Variants in AGAP1 observed in about 807,000 individuals in gnomAD.
The protein encoded by AGAP1 is ArfGAP with GTPase domain, ankyrin repeat and PH domain 1.
AGAP1 carries 29 observed loss-of-function variants against 105.3 expected under a neutral mutation model. The observed-to-expected ratio is 0.28, with a 90% CI of 0.21 to 0.38. AGAP1 has a LOEUF of 0.38. AGAP1 is among the 10% of genes least tolerant of loss of function. The pLI is 1.00. For synonymous variants in AGAP1, 509 were observed against 485.9 expected, an observed-to-expected ratio of 1.05 and a Z score of -0.63; for missense variants, 998 against 1,165.1, an observed-to-expected ratio of 0.86 and a Z score of 2.09.
At chr2:235,638,936 T>C (rs1947101187) in intron 1 of AGAP1, among the ~76,000 whole-genome samples, 1 of 152,174 alleles carries the variant, frequency 6.6e-6, no homozygotes, top group Admixed American at 6.5e-5. Context: ...GTAACATCTC[T>C]TCCAGTTGCG....
Position 235,766,907 on chromosome 2 carries a change from ATTTTTTTT to A in AGAP1, c.673+16434_673+16441del, listed in dbSNP as rs71036292. Among the ~76,000 whole-genome samples, 484 of 109,928 alleles carry A rather than the reference ATTTTTTTT, an allele frequency of 4.4e-3. 2 individuals are homozygous for A. The highest frequency in any genetic ancestry group is 7.7e-3 in the Non-Finnish European group (418 of 54,494). The allele number at this position is 109,928 out of a possible 152,430, so 72.1% of individuals were successfully genotyped here. The stretch of plus-strand genomic sequence containing the variant: ...TATGTGCGTGCCACCACACCGGCTA[ATTTTTTTT>A]TTTTTTTTTTTTTTGTGAGATGTAG... On this transcript the variant is annotated intron_variant, in intron 6 of 17. Transcript: ENST00000304032.
rs141321963 is a variant in AGAP1 at position 235,992,001 on chromosome 2, TTC to T, written c.1645+23385_1645+23386del. Among the ~76,000 whole-genome samples the T allele has an allele frequency of 2.0e-5, 3 of 152,352 alleles. No homozygotes were observed. The highest frequency in any genetic ancestry group is 4.4e-5 in the Non-Finnish European group (3 of 68,024). ...CATCCAGCCTCACAAATGTCCACAT[TTC>T]TCTCTCATCTGTGAAGGCCCGTTGA... On this transcript the variant is annotated intron_variant, in intron 13 of 17. Transcript: ENST00000304032. The surrounding 1 kb of genome is among the most constrained non-coding windows in gnomAD (Gnocchi z 4.8).
Position 236,053,314 on chromosome 2 carries a change from CAT to C in AGAP1, c.2114+4034_2114+4035del, listed in dbSNP as rs2057961377. Among the ~76,000 whole-genome samples, 1 of 152,236 alleles carries C rather than the reference CAT, an allele frequency of 6.6e-6. No homozygotes were observed. Among genetic ancestry groups the C allele is most frequent in the African/African-American group, 2.4e-5 (1 of 41,458 alleles). On this transcript the variant is annotated intron_variant, in intron 16 of 17. Transcript: ENST00000304032. This position sits in a 1 kb window ranked among gnomAD's most constrained non-coding sequence, Gnocchi z 4.6. ...AGCGGGAACTCGTCATCATGGAACA[CAT>C]GTCAGGTGCTCTTGCTACTTCGGGG...
At chr2:235,629,536 G>A (rs1946756327) in intron 1 of AGAP1, among the ~76,000 whole-genome samples, 1 of 151,944 alleles carries the variant, frequency 6.6e-6, no homozygotes, top group Non-Finnish European at 1.5e-5. Context: ...GGGGCCAGGT[G>A]TCCAGCATGG....
intron 1 of AGAP1, among the ~76,000 whole-genome samples, chr2:235,695,880 G>T (rs780376870): frequency 2.0e-5 from 3 of 152,156 alleles, no homozygotes; most frequent in African/African-American, 4.8e-5. Flanking sequence ...AGGAGATACT[G>T]AATAACCAAC....
At chr2:236,004,563 C>T (rs2056250739) in intron 13 of AGAP1, among the ~76,000 whole-genome samples, 1 of 152,228 alleles carries the variant, frequency 6.6e-6, no homozygotes, top group South Asian at 2.1e-4. Context: ...AGGCTATACC[C>T]TCCTCCCACA....
rs886168452 is a variant in AGAP1 at position 235,732,785 on chromosome 2, G to A, written c.311-8178G>A. Among the ~76,000 whole-genome samples the A allele has an allele frequency of 8.5e-5, 13 of 152,246 alleles. No individual in the cohort carries two copies. The highest frequency in any genetic ancestry group is 3.4e-3 in the Middle Eastern group (1 of 294). ...TCTAGGCTGTTGGGAGCCCGTGACC[G>A]CCCTGCTTCCTGTGGTGGGAGAAGG... On this transcript the variant is annotated intron_variant, in intron 3 of 17. Transcript: ENST00000304032. This position sits in a 1 kb window ranked among gnomAD's most constrained non-coding sequence, Gnocchi z 4.8.
At position 236,083,570 on chromosome 2, in the gene AGAP1, A is replaced by C. The variant is rs1199288036; in HGVS notation, c.2114+34289A>C. 2.0e-5 allele frequency among the ~76,000 whole-genome samples: 3 copies of C among 152,178 alleles called. No homozygotes were observed. Among genetic ancestry groups the C allele is most frequent in the Non-Finnish European group, 4.4e-5 (3 of 68,034 alleles). On this transcript the variant is annotated intron_variant, in intron 16 of 17. Coordinates refer to ENST00000304032, the MANE Select transcript of AGAP1 (RefSeq NM_001037131.3). This position sits in a 1 kb window ranked among gnomAD's most constrained non-coding sequence, Gnocchi z 5.3. ...ACTGGAATTCCGTATAAATGTGTGC[A>C]TGCTCACACCCATGCCTACATTAGA...
At chr2:235,593,565 A>G (rs781102347) in intron 1 of AGAP1, among the ~76,000 whole-genome samples, 43 of 152,250 alleles carry the variant, frequency 2.8e-4, no homozygotes, top group Non-Finnish European at 5.7e-4. Context: ...TACAACTTAA[A>G]TATGTTTTCC....
At chr2:235,509,267 C>A (rs1466248639) in intron 1 of AGAP1, among the ~76,000 whole-genome samples, 3 of 152,156 alleles carry the variant, frequency 2.0e-5, no homozygotes, top group Admixed American at 1.3e-4. Flanking sequence ...GGCTCTGTCA[C>A]CCAGGCTGGA....
intron 1 of AGAP1, among the ~76,000 whole-genome samples, chr2:235,546,281 G>T (rs1049781274): frequency 1.3e-5 from 2 of 152,200 alleles, no homozygotes; most frequent in Non-Finnish European, 2.9e-5. Context: ...AGGCCCTCGG[G>T]TGCCACCTGA....
chr2:235,915,864 TG>T (rs2051853058), intron 11 of AGAP1, among the ~76,000 whole-genome samples: 1 of 152,120 alleles, frequency 6.6e-6, no homozygotes, highest in Non-Finnish European at 1.5e-5. Flanking sequence ...TCAAGTTGGA[TG>T]GGAGAGGAGG....
At position 235,724,585 on chromosome 2, in the gene AGAP1, G is replaced by C. The variant is rs1021661622; in HGVS notation, c.310+6941G>C. ...AGATGGAAAAGGTACCTGCGGTGGT[G>C]GGGGGAGGGGGAGTTCCCTATGTAA... On this transcript the variant is annotated intron_variant, in intron 3 of 17. Coordinates refer to ENST00000304032, the MANE Select transcript of AGAP1 (RefSeq NM_001037131.3). This position sits in a 1 kb window ranked among gnomAD's most constrained non-coding sequence, Gnocchi z 4.9. 6.6e-6 allele frequency among the ~76,000 whole-genome samples: 1 copy of C among 152,138 alleles called. No homozygotes were observed. The highest frequency in any genetic ancestry group is 1.5e-5 in the Non-Finnish European group (1 of 68,030).
At chr2:235,514,126 A>T (rs1041156582) in intron 1 of AGAP1, among the ~76,000 whole-genome samples, 1 of 151,408 alleles carries the variant, frequency 6.6e-6, no homozygotes, top group Admixed American at 6.6e-5. Context: ...CCCGAGTCTC[A>T]CCTTGGTGTG....
chr2:235,881,332 G>T (rs1275468337), intron 9 of AGAP1, among the ~76,000 whole-genome samples: 1 of 152,210 alleles, frequency 6.6e-6, no homozygotes, highest in African/African-American at 2.4e-5. Context: ...GAAAAGTTCT[G>T]AAGGTGACTC....
In AGAP1 at chr2:235,494,813, C is replaced by T; in HGVS notation, c.127C>T (p.Gln43Ter). 1.3e-6 allele frequency: 2 copies of T among 1,583,442 alleles called. No individual in the cohort carries two copies. The highest frequency in any genetic ancestry group is 1.4e-5 in the African/African-American group (1 of 72,136). Reference protein sequence around the residue: ...LLERVEEPVLQNQIREHVIAI... With the variant: ...LLERVEEPVL ...GGAGCGCGTGGAGGAGCCGGTGCTG[C>T]AGAACCAGATCCGGGAGCACGTCAT... Residue 43 changes from glutamine to a stop codon, truncating the protein, a stop_gained, in exon 1 of 18, where the codon CAG becomes TAG. Transcript: ENST00000304032. LOFTEE classifies it high-confidence loss of function.
chr2:235,559,410 G>T lies in AGAP1; in HGVS notation c.163+64561G>T, dbSNP rs1944077008. Among the ~76,000 whole-genome samples, 2 of 152,300 alleles carry T rather than the reference G, an allele frequency of 1.3e-5. No homozygotes were observed. The highest frequency in any genetic ancestry group is 4.1e-4 in the South Asian group (2 of 4,828). Reference sequence around the variant, plus strand: ...TGATGAGCGCCTGCAGACGCTGGTGGGTGCTTGCCGTGTGCCAGTGATTGA... The same window carrying T: ...TGATGAGCGCCTGCAGACGCTGGTGTGTGCTTGCCGTGTGCCAGTGATTGA... On this transcript the variant is annotated intron_variant, in intron 1 of 17. Coordinates refer to ENST00000304032, the MANE Select transcript of AGAP1 (RefSeq NM_001037131.3). This position sits in a 1 kb window ranked among gnomAD's most constrained non-coding sequence, Gnocchi z 5.7.
At chr2:236,047,217 C>G (rs561032715) in intron 15 of AGAP1, among the ~76,000 whole-genome samples, 1 of 152,312 alleles carries the variant, frequency 6.6e-6, no homozygotes, top group African/African-American at 2.4e-5. Context: ...CGCCCTGGAA[C>G]AGGCTAGTGA....
intron 1 of AGAP1, among the ~76,000 whole-genome samples, chr2:235,540,148 C>CTTTTTTTTTTTT (rs535395155): frequency 3.1e-5 from 4 of 129,112 alleles, no homozygotes; most frequent in African/African-American, 1.2e-4. Context: ...CCTCTCTCCT[C>CTTTTTTTTTTTT]TTTTTTTTTT....
Sources: allele counts gnomAD v4.1 joint callset (sites outside exome capture counted in the v4.1 genomes callset), GRCh38; gene constraint gnomAD v4.1.1; non-coding constraint Gnocchi (gnomAD v3.1); transcripts MANE v1.5; gene names NCBI Gene and HGNC (gene_info 2026-07-23, HGNC 2026-07-21).